Variants in CDH18 observed in about 807,000 individuals in gnomAD.
CDH18 encodes cadherin-18.
Under a neutral mutation model 67.9 loss-of-function variants are expected in CDH18, and 31 were observed. The observed-to-expected ratio is 0.46, with a 90% CI of 0.34 to 0.62. The LOEUF is 0.62. Among genes scored for constraint, CDH18 ranks in the 20% least tolerant of loss-of-function variants. The probability of loss-of-function intolerance (pLI) is 0.01; values close to 1 mark genes in which losing one functional copy is unlikely to be tolerated. For synonymous variants in CDH18, 362 were observed against 347.2 expected, an observed-to-expected ratio of 1.04 and a Z score of -0.48; for missense variants, 890 against 975.5, an observed-to-expected ratio of 0.91 and a Z score of 1.17.
At chr5:20,311,722 A>G (rs1393764539) in intron 1 of CDH18, among the ~76,000 whole-genome samples, 1 of 152,072 alleles carries the variant, frequency 6.6e-6, no homozygotes, top group Non-Finnish European at 1.5e-5. Flanking sequence ...GCAGCAAACC[A>G]TCATGACACG....
chr5:19,650,742 A>G (rs915812095), intron 5 of CDH18, among the ~76,000 whole-genome samples: 3 of 152,048 alleles, frequency 2.0e-5, no homozygotes, highest in Non-Finnish European at 4.4e-5. Context: ...AATTAAACGT[A>G]TTTCCACATC....
intron 1 of CDH18, among the ~76,000 whole-genome samples, chr5:20,569,909 T>C (rs1455140087): frequency 6.6e-6 from 1 of 152,104 alleles, no homozygotes; most frequent in Non-Finnish European, 1.5e-5. Context: ...GCATGTTGAT[T>C]AAGAAAAGCA....
chr5:20,043,141 A>C (rs1740597177), intron 2 of CDH18, among the ~76,000 whole-genome samples: 1 of 152,098 alleles, frequency 6.6e-6, no homozygotes, highest in Non-Finnish European at 1.5e-5. Context: ...ACTAAATGAC[A>C]GTAGCAGTAA....
chr5:20,564,897 C>T (rs538824430), intron 1 of CDH18, among the ~76,000 whole-genome samples: 1 of 152,088 alleles, frequency 6.6e-6, no homozygotes, highest in Non-Finnish European at 1.5e-5. Context: ...TAACTGAGTT[C>T]ATTATGATTT....
chr5:20,479,906 A>G (rs1042588377), intron 1 of CDH18, among the ~76,000 whole-genome samples: 2 of 152,358 alleles, frequency 1.3e-5, no homozygotes, highest in South Asian at 2.1e-4. Context: ...AAGAAAAAAC[A>G]TACAAAGAAG....
At chr5:19,802,007 A>C (rs892676791) in intron 3 of CDH18, among the ~76,000 whole-genome samples, 2 of 152,228 alleles carry the variant, frequency 1.3e-5, no homozygotes, top group African/African-American at 4.8e-5. Context: ...CACTAATAAC[A>C]GGGTTCAAAG....
At chr5:20,227,373 G>A (rs1048648939) in intron 2 of CDH18, among the ~76,000 whole-genome samples, 10 of 151,902 alleles carry the variant, frequency 6.6e-5, no homozygotes, top group African/African-American at 1.2e-4. Flanking sequence ...CTCCACAAAC[G>A]TTCTAATACA....
intron 2 of CDH18, among the ~76,000 whole-genome samples, chr5:20,042,692 G>A (rs1260117548): frequency 3.9e-5 from 6 of 152,108 alleles, no homozygotes; most frequent in African/African-American, 9.7e-5. Context: ...GGCCGGGTGC[G>A]GTGGCTCACG....
chr5:20,552,904 T>C (rs1478202386), intron 1 of CDH18, among the ~76,000 whole-genome samples: 1 of 151,966 alleles, frequency 6.6e-6, no homozygotes, highest in African/African-American at 2.4e-5. Flanking sequence ...ACAGGCGTGC[T>C]CCATCATGCA....
chr5:19,500,933 C>T (rs905681080), intron 11 of CDH18, among the ~76,000 whole-genome samples: 13 of 150,876 alleles, frequency 8.6e-5, no homozygotes, highest in Non-Finnish European at 1.5e-4. Flanking sequence ...GAGTTTGAGA[C>T]CAACCTGGCC....
chr5:20,419,976 A>G lies in CDH18; in HGVS notation c.-580+155486T>C, dbSNP rs138660953. Among the ~76,000 whole-genome samples the G allele has an allele frequency of 1.4e-4, 21 of 151,174 alleles. No homozygotes were observed. In the East Asian group the frequency reaches 3.7e-3, roughly 26 times the overall value. Reference sequence around the variant, plus strand: ...ATTAAATAATAACTTTTCTGGTAATATATTTTCGATTTATCCAACAGGAAC... The same window carrying G: ...ATTAAATAATAACTTTTCTGGTAATGTATTTTCGATTTATCCAACAGGAAC... On this transcript the variant is annotated intron_variant, in intron 1 of 14. Coordinates refer to the CDH18 transcript ENST00000507958.
At chr5:20,023,665 A>G (rs1232472198) in intron 2 of CDH18, among the ~76,000 whole-genome samples, 2 of 151,636 alleles carry the variant, frequency 1.3e-5, no homozygotes, top group African/African-American at 4.8e-5. Flanking sequence ...TCTCAAAAAA[A>G]AAAAAAAAAA....
At chr5:20,173,024 T>C (rs903625408) in intron 2 of CDH18, among the ~76,000 whole-genome samples, 4 of 150,336 alleles carry the variant, frequency 2.7e-5, no homozygotes, top group African/African-American at 9.8e-5. Context: ...AAGAAAGAAA[T>C]ATCCATTGTC....
At chr5:20,560,468 TACACACACACACACAC>T (rs547246325) in intron 1 of CDH18, among the ~76,000 whole-genome samples, 86 of 127,700 alleles carry the variant, frequency 6.7e-4, no homozygotes, top group African/African-American at 1.9e-3. Flanking sequence ...CCAACACTCA[TACACACACACACACAC>T]ACACACACAC....
chr5:20,100,018 T>A (rs1580240702), intron 2 of CDH18, among the ~76,000 whole-genome samples: 1 of 152,134 alleles, frequency 6.6e-6, no homozygotes, highest in East Asian at 1.9e-4. Flanking sequence ...ACTCCTGACT[T>A]CAAATGGTCC....
chr5:20,225,919 C>T (rs1741589296), intron 2 of CDH18, among the ~76,000 whole-genome samples: 1 of 151,916 alleles, frequency 6.6e-6, no homozygotes, highest in South Asian at 2.1e-4. Flanking sequence ...TGTAAATGGA[C>T]GGATGACTAT....
At chr5:20,085,492 C>T (rs1034356383) in intron 2 of CDH18, among the ~76,000 whole-genome samples, 1 of 152,136 alleles carries the variant, frequency 6.6e-6, no homozygotes, top group Non-Finnish European at 1.5e-5. Context: ...AAGTCACTTC[C>T]ACATTTTTGG....
At chr5:19,777,346 T>A (rs963955975) in intron 3 of CDH18, among the ~76,000 whole-genome samples, 2 of 152,190 alleles carry the variant, frequency 1.3e-5, no homozygotes, top group African/African-American at 4.8e-5. Context: ...TTCCTGAATT[T>A]TGTTTGCCTC....
intron 1 of CDH18, among the ~76,000 whole-genome samples, chr5:20,468,472 C>T (rs895343055): frequency 1.3e-5 from 2 of 152,126 alleles, no homozygotes; most frequent in South Asian, 2.1e-4. Context: ...TCTTTCTCAT[C>T]GTTAAATATG....
Sources: allele counts gnomAD v4.1 joint callset (sites outside exome capture counted in the v4.1 genomes callset), GRCh38; gene constraint gnomAD v4.1.1; transcripts MANE v1.5; gene names NCBI Gene and HGNC (gene_info 2026-07-23, HGNC 2026-07-21).